ARHGEF3: variants seen among roughly 807,000 people sequenced by gnomAD.
ARHGEF3 encodes 59.8 kDA protein.
ARHGEF3 carries 28 observed loss-of-function variants against 63.2 expected under a neutral mutation model. The ratio of observed to expected loss-of-function variants is 0.44; its 90% CI spans 0.33 to 0.61. The LOEUF is 0.61. ARHGEF3 is among the 20% of genes least tolerant of loss of function. The pLI is 0.03. For missense variants in ARHGEF3, 533 were observed against 659.3 expected (o/e 0.81, Z 2.10); for synonymous variants, 266 against 254.2 (o/e 1.05, Z -0.44).
chr3:57,056,651 T>A (rs1356813673), intron 1 of ARHGEF3, among the ~76,000 whole-genome samples: 1 of 152,152 alleles, frequency 6.6e-6, no homozygotes, highest in African/African-American at 2.4e-5. Context: ...TGTGGATTTT[T>A]TTCTAAGCAG....
chr3:56,891,281 G>A (rs1167672107), intron 3 of ARHGEF3, among the ~76,000 whole-genome samples: 3 of 150,380 alleles, frequency 2.0e-5, no homozygotes, highest in East Asian at 1.9e-4. Context: ...ACCTCCCAAT[G>A]TGCTGGGATT....
intron 1 of ARHGEF3, among the ~76,000 whole-genome samples, chr3:57,044,275 G>A (rs899580249): frequency 3.3e-5 from 5 of 152,186 alleles, no homozygotes; most frequent in African/African-American, 9.7e-5. Flanking sequence ...GGACACCCGC[G>A]CCATGGAGGC....
intron 3 of ARHGEF3, among the ~76,000 whole-genome samples, chr3:56,953,683 C>G (rs1699916107): frequency 6.6e-6 from 1 of 152,104 alleles, no homozygotes; most frequent in South Asian, 2.1e-4. Context: ...CTATGTGACC[C>G]AAGCCCAGAC....
intron 3 of ARHGEF3, among the ~76,000 whole-genome samples, chr3:56,907,388 T>C (rs950472857): frequency 6.6e-6 from 1 of 152,220 alleles, no homozygotes; most frequent in Non-Finnish European, 1.5e-5. Flanking sequence ...TATTTGCTTA[T>C]ACACTGTTGG....
At chr3:56,916,693 C>T (rs2041999905) in intron 3 of ARHGEF3, among the ~76,000 whole-genome samples, 1 of 152,230 alleles carries the variant, frequency 6.6e-6, no homozygotes, top group Non-Finnish European at 1.5e-5. Context: ...ATCCCATCGG[C>T]TGCAGCGGCT....
chr3:56,945,795 T>A (rs1053988796), intron 3 of ARHGEF3, among the ~76,000 whole-genome samples: 6 of 152,194 alleles, frequency 3.9e-5, no homozygotes, highest in African/African-American at 1.4e-4. Flanking sequence ...TCTCCCAGCA[T>A]GCAGCTGGAG....
chr3:56,798,076 T>G (rs1265196912), intron 1 of ARHGEF3, among the ~76,000 whole-genome samples: 1 of 152,204 alleles, frequency 6.6e-6, no homozygotes, highest in East Asian at 1.9e-4. Context: ...GTGTGGGGTC[T>G]CAAGTGAGAC....
chr3:56,885,571 G>T (rs1037731099), intron 3 of ARHGEF3, among the ~76,000 whole-genome samples: 1 of 152,138 alleles, frequency 6.6e-6, no homozygotes, highest in African/African-American at 2.4e-5. Context: ...AATAAGAGAA[G>T]CTCCTCTCCT....
At chr3:56,889,833 G>A (rs887335251) in intron 3 of ARHGEF3, among the ~76,000 whole-genome samples, 2 of 152,182 alleles carry the variant, frequency 1.3e-5, no homozygotes, top group African/African-American at 4.8e-5. Flanking sequence ...AGGCCGAGAT[G>A]GGCGGATCAC....
intron 2 of ARHGEF3, among the ~76,000 whole-genome samples, chr3:56,765,243 A>G (rs977949430): frequency 2.6e-5 from 4 of 152,150 alleles, no homozygotes; most frequent in African/African-American, 9.7e-5. Context: ...GTTTTGTTTT[A>G]GGCTTTTAGC....
intron 3 of ARHGEF3, among the ~76,000 whole-genome samples, chr3:56,893,209 A>T (rs544235132): frequency 3.3e-5 from 5 of 151,922 alleles, no homozygotes; most frequent in African/African-American, 1.2e-4. Flanking sequence ...ATAGGGTCTC[A>T]CTCTGCCACC....
intron 3 of ARHGEF3, among the ~76,000 whole-genome samples, chr3:56,902,652 C>T (rs2041552655): frequency 6.6e-6 from 1 of 152,240 alleles, no homozygotes; most frequent in South Asian, 2.1e-4. Context: ...GAAGCGGGCA[C>T]ATGGCCCTTC....
intron 2 of ARHGEF3, among the ~76,000 whole-genome samples, chr3:56,765,325 C>T (rs2035644405): frequency 6.6e-6 from 1 of 152,130 alleles, no homozygotes. Context: ...AGGGGCTTTA[C>T]TGGCCCAACC....
intron 2 of ARHGEF3, among the ~76,000 whole-genome samples, chr3:56,978,367 G>A (rs749823966): frequency 1.3e-4 from 20 of 152,102 alleles, no homozygotes; most frequent in Non-Finnish European, 2.4e-4. Context: ...CATGTCACAC[G>A]TTCCTACACT....
chr3:57,044,113 A>G (rs987517856), intron 1 of ARHGEF3, among the ~76,000 whole-genome samples: 1 of 152,154 alleles, frequency 6.6e-6, no homozygotes, highest in Non-Finnish European at 1.5e-5. Context: ...AATCACACCA[A>G]TGTGTGCACA....
At chr3:56,890,918 C>T (rs1405534997) in intron 3 of ARHGEF3, among the ~76,000 whole-genome samples, 2 of 152,196 alleles carry the variant, frequency 1.3e-5, no homozygotes, top group African/African-American at 2.4e-5. Context: ...AACCAGATCT[C>T]GAACCTTTTT....
In ARHGEF3 at chr3:56,745,263, C is replaced by T. The variant is rs775536031; in HGVS notation, c.812G>A (p.Arg271Gln). 9.3e-6 allele frequency: 15 copies of T among 1,613,750 alleles called. No homozygotes were observed. Among genetic ancestry groups the T allele is most frequent in the Non-Finnish European group, 1.3e-5 (15 of 1,179,986 alleles). ...ATTTGGTGTGTGCCTCAAGATTTCTCGGAGAAGCAGAGGGTATTTTACCAG... is the reference window on the plus strand; with the variant it reads ...ATTTGGTGTGTGCCTCAAGATTTCTTGGAGAAGCAGAGGGTATTTTACCAG... The part of the protein sequence containing the change: ...SRLVKYPLLL[R>Q]EILRHTPNDN... The change falls in exon 7 of 10, where the codon CGA becomes CAA. Residue 271 changes from arginine (R) to glutamine (Q), a missense_variant. This residue lies in a region of ARHGEF3 where 107 missense variants were observed against 207.9 expected (regional missense o/e 0.51). Coordinates refer to ENST00000296315, the MANE Select transcript of ARHGEF3 (RefSeq NM_019555.3).
chr3:56,759,728 T>C (rs1029112085), intron 2 of ARHGEF3, among the ~76,000 whole-genome samples: 2 of 152,086 alleles, frequency 1.3e-5, no homozygotes, highest in African/African-American at 4.8e-5. Context: ...TTTGATTTAG[T>C]AGACATGGGG....
In ARHGEF3 at chr3:57,024,246, A is replaced by G. The variant is rs557829663; in HGVS notation, c.62+10842T>C. Among the ~76,000 whole-genome samples, 5 of 151,978 alleles carry G rather than the reference A, an allele frequency of 3.3e-5. No individual in the cohort carries two copies. In the East Asian group the frequency reaches 5.8e-4, roughly 18 times the overall value. On this transcript the variant is annotated intron_variant, in intron 2 of 12. Transcript: ENST00000338458. The stretch of plus-strand genomic sequence containing the variant: ...CAGAATATTGAAGCTTCCTACATCA[A>G]GAACACTCTACTCCAATTTGACCTG...
Sources: gnomAD v4.1 joint callset for allele counts (sites outside exome capture counted in the v4.1 genomes callset) on GRCh38, gnomAD v4.1.1 for gene constraint, gnomAD v4.1.1 regional missense constraint, MANE v1.5 for transcripts, NCBI Gene and HGNC (gene_info 2026-07-23, HGNC 2026-07-21) for gene names.